KCNH8: variants seen among roughly 807,000 people sequenced by gnomAD.
KCNH8 encodes the protein voltage-gated delayed rectifier potassium channel KCNH8.
KCNH8 carries 70 observed loss-of-function variants against 103.6 expected under a neutral mutation model. That is an observed-to-expected ratio of 0.68 (90% CI 0.56 to 0.82). The LOEUF is 0.82. KCNH8 is among the 40% of genes least tolerant of loss of function. KCNH8 has a pLI of 0.00. For missense variants in KCNH8, 1,217 were observed against 1,329.9 expected, an observed-to-expected ratio of 0.92 and a Z score of 1.32; for synonymous variants, 498 against 489.4, an observed-to-expected ratio of 1.02 and a Z score of -0.23.
At chr3:19,359,260 T>A (rs1426292400) in intron 5 of KCNH8, among the ~76,000 whole-genome samples, 2 of 151,838 alleles carry the variant, frequency 1.3e-5, no homozygotes, top group East Asian at 3.9e-4. Flanking sequence ...AAGACGAAGA[T>A]ACTAATAGGG....
chr3:19,377,283 T>A (rs2066222625), intron 5 of KCNH8, among the ~76,000 whole-genome samples: 1 of 152,186 alleles, frequency 6.6e-6, no homozygotes, highest in African/African-American at 2.4e-5. Context: ...CACATCAGGA[T>A]CCATCTAGTG....
intron 11 of KCNH8, among the ~76,000 whole-genome samples, chr3:19,459,871 CATTA>C (rs2067594179): frequency 6.6e-6 from 1 of 152,060 alleles, no homozygotes; most frequent in African/African-American, 2.4e-5. Flanking sequence ...TCTTCTAGAA[CATTA>C]ATTATAGTAA....
chr3:19,516,175 CCCCTT>C (rs1034715909), intron 14 of KCNH8, among the ~76,000 whole-genome samples: 6 of 152,076 alleles, frequency 3.9e-5, no homozygotes, highest in African/African-American at 1.2e-4. Context: ...CACCCAACCT[CCCCTT>C]CCCTTCCCAC....
At chr3:19,389,820 A>T (rs1425954096) in intron 5 of KCNH8, among the ~76,000 whole-genome samples, 1 of 151,800 alleles carries the variant, frequency 6.6e-6, no homozygotes, top group Admixed American at 6.6e-5. Flanking sequence ...AATAGAGATG[A>T]GTTCTCGTTT....
At chr3:19,411,409 A>C (rs1465511449) in intron 7 of KCNH8, among the ~76,000 whole-genome samples, 1 of 152,096 alleles carries the variant, frequency 6.6e-6, no homozygotes, top group East Asian at 1.9e-4. Flanking sequence ...AGCCAATATC[A>C]TACTTAACAG....
intron 7 of KCNH8, among the ~76,000 whole-genome samples, chr3:19,396,003 T>C (rs1415920680): frequency 1.3e-5 from 2 of 152,018 alleles, no homozygotes; most frequent in Non-Finnish European, 2.9e-5. Context: ...AGTAAATTTA[T>C]AGAAAATGAA....
chr3:19,330,117 C>G (rs1040724213), intron 3 of KCNH8, among the ~76,000 whole-genome samples: 1 of 152,078 alleles, frequency 6.6e-6, no homozygotes, highest in African/African-American at 2.4e-5. Context: ...CCATTACACA[C>G]CACCACGCAT....
At chr3:19,252,974 C>CA (rs1202963608) in intron 1 of KCNH8, among the ~76,000 whole-genome samples, 1 of 152,126 alleles carries the variant, frequency 6.6e-6, no homozygotes, top group Non-Finnish European at 1.5e-5. Context: ...GAAGTGTCAA[C>CA]ATATTGACAT....
intron 5 of KCNH8, among the ~76,000 whole-genome samples, chr3:19,351,624 C>T (rs1057027948): frequency 6.6e-6 from 1 of 152,112 alleles, no homozygotes; most frequent in African/African-American, 2.4e-5. Context: ...AATTTTATAT[C>T]CGGCCAAACT....
chr3:19,148,607 C>T lies in KCNH8; in HGVS notation c.-113C>T, dbSNP rs1045865112. On this transcript the variant is annotated 5_prime_UTR_variant, in exon 1 of 16. Coordinates refer to ENST00000328405, the MANE Select transcript of KCNH8 (RefSeq NM_144633.3). ...CCCCTGCTCGGCCCCGCCGTCAGGC[C>T]GGGTCCCCCTTCCCTGCCGTCATCA... 2 of 1,007,094 alleles carry T rather than the reference C, an allele frequency of 2.0e-6. No homozygotes were observed. The highest frequency in any genetic ancestry group is 1.6e-6 in the Non-Finnish European group (1 of 630,432). 62.4% of individuals were successfully genotyped at this position (1,007,094 alleles called of 1,614,324 possible).
At chr3:19,410,060 T>C (rs537152049) in intron 7 of KCNH8, among the ~76,000 whole-genome samples, 34 of 152,210 alleles carry the variant, frequency 2.2e-4, no homozygotes, top group African/African-American at 7.0e-4. Flanking sequence ...CCATCAACTA[T>C]AGAATATATG....
At chr3:19,474,282 G>A (rs2067924737) in intron 11 of KCNH8, among the ~76,000 whole-genome samples, 1 of 152,152 alleles carries the variant, frequency 6.6e-6, no homozygotes, top group Admixed American at 6.5e-5. Context: ...GGTGTAGACA[G>A]CAGAGAGGAT....
chr3:19,486,562 C>T (rs1047843757), intron 11 of KCNH8, among the ~76,000 whole-genome samples: 2 of 152,076 alleles, frequency 1.3e-5, no homozygotes, highest in Non-Finnish European at 2.9e-5. Flanking sequence ...GCCCCACAGT[C>T]GGTTAAAACT....
chr3:19,260,338 G>T (rs1001074536), intron 2 of KCNH8, among the ~76,000 whole-genome samples: 24 of 150,806 alleles, frequency 1.6e-4, no homozygotes, highest in African/African-American at 5.8e-4. Flanking sequence ...TCAGTCTTAT[G>T]ATTTCAGATC....
chr3:19,439,484 C>T (rs1249309613), intron 8 of KCNH8, among the ~76,000 whole-genome samples: 3 of 152,102 alleles, frequency 2.0e-5, no homozygotes, highest in Non-Finnish European at 4.4e-5. Flanking sequence ...TCTCAGAAAG[C>T]ATCAACAAAA....
chr3:19,478,862 C>G (rs1162542524), intron 11 of KCNH8, among the ~76,000 whole-genome samples: 2 of 152,010 alleles, frequency 1.3e-5, no homozygotes, highest in Admixed American at 6.6e-5. Flanking sequence ...TTGGATAATA[C>G]CAGAAAAATC....
At chr3:19,219,744 G>A (rs1224706057) in intron 1 of KCNH8, among the ~76,000 whole-genome samples, 1 of 152,076 alleles carries the variant, frequency 6.6e-6, no homozygotes, top group Non-Finnish European at 1.5e-5. Flanking sequence ...CCTACAGAGT[G>A]GAACCAAGCT....
intron 11 of KCNH8, among the ~76,000 whole-genome samples, chr3:19,507,361 T>G (rs1017218915): frequency 1.3e-5 from 2 of 152,128 alleles, no homozygotes; most frequent in African/African-American, 4.8e-5. Context: ...TCAGCTATGA[T>G]GAGGAGGCTG....
At chr3:19,212,354 C>A (rs910877761) in intron 1 of KCNH8, among the ~76,000 whole-genome samples, 1 of 152,162 alleles carries the variant, frequency 6.6e-6, no homozygotes, top group Non-Finnish European at 1.5e-5. Flanking sequence ...ACATACCTGG[C>A]AACTCTCTTG....
Sources: allele counts gnomAD v4.1 joint callset (sites outside exome capture counted in the v4.1 genomes callset), GRCh38; gene constraint gnomAD v4.1.1; transcripts MANE v1.5; gene names NCBI Gene and HGNC (gene_info 2026-07-23, HGNC 2026-07-21).